The following TRPS1 variants were observed in gnomAD, a reference collection of about 807,000 sequenced individuals.
TRPS1 encodes zinc finger transcription factor Trps1.
A neutral mutation model predicts 101.2 loss-of-function variants in TRPS1; 6 were observed. That is an observed-to-expected ratio of 0.06 (90% CI 0.03 to 0.12). The LOEUF (loss-of-function observed/expected upper bound fraction) is 0.12, where lower values mean the gene tolerates loss of function less well. Ranked by LOEUF, TRPS1 falls within the 10% of genes least tolerant of loss-of-function variation. The pLI is 1.00. For missense variants in TRPS1, 1,363 were observed against 1,567.0 expected, an observed-to-expected ratio of 0.87 and a Z score of 2.20; for synonymous variants, 578 against 589.8, an observed-to-expected ratio of 0.98 and a Z score of 0.29.
At chr8:115,472,106 TG>T (rs897692521) in intron 5 of TRPS1, among the ~76,000 whole-genome samples, 2 of 152,136 alleles carry the variant, frequency 1.3e-5, no homozygotes, top group Non-Finnish European at 1.5e-5. Flanking sequence ...GAACTCTTTG[TG>T]GGGGGGCTCC....
chr8:115,417,116 A>C (rs896157486), intron 6 of TRPS1, among the ~76,000 whole-genome samples: 4 of 152,166 alleles, frequency 2.6e-5, no homozygotes, highest in Non-Finnish European at 5.9e-5. Flanking sequence ...AAGTTCCCAT[A>C]ATCTGGCAGA....
At chr8:115,537,516 C>G (rs1271096835) in intron 5 of TRPS1, among the ~76,000 whole-genome samples, 2 of 152,100 alleles carry the variant, frequency 1.3e-5, no homozygotes, top group African/African-American at 4.8e-5. Context: ...GCCACAAAAC[C>G]CATAAGTCGA....
intron 5 of TRPS1, among the ~76,000 whole-genome samples, chr8:115,460,392 A>G (rs536242685): frequency 1.1e-4 from 16 of 152,274 alleles, no homozygotes; most frequent in African/African-American, 3.6e-4. Context: ...ATTAAGATTG[A>G]TATTTGAATC....
intron 5 of TRPS1, among the ~76,000 whole-genome samples, chr8:115,428,185 T>G (rs1813235427): frequency 6.6e-6 from 1 of 152,200 alleles, no homozygotes; most frequent in African/African-American, 2.4e-5. Context: ...ATCATTTTTA[T>G]TCAAGATAAA....
At chr8:115,416,245 T>C (rs1417130786) in intron 6 of TRPS1, among the ~76,000 whole-genome samples, 3 of 151,966 alleles carry the variant, frequency 2.0e-5, no homozygotes, top group Non-Finnish European at 4.4e-5. Flanking sequence ...CAGGTATTTA[T>C]ATAATATGAC....
rs146877122 is a variant in TRPS1 at position 115,442,899 on chromosome 8, G to C, written c.2701-24447C>G. On this transcript the variant is annotated intron_variant, in intron 5 of 6. Transcript: ENST00000395715. ...GACGTCAGGAGATCGAGATCATCCTGGCTAACACGGTGAAAACCCATCTCT... is the reference window on the plus strand; with the variant it reads ...GACGTCAGGAGATCGAGATCATCCTCGCTAACACGGTGAAAACCCATCTCT... 7.7e-3 allele frequency among the ~76,000 whole-genome samples: 1,172 copies of C among 151,976 alleles called. 7 individuals carry two copies. Among genetic ancestry groups the C allele is most frequent in the African/African-American group, 1.0e-2 (414 of 41,424 alleles).
chr8:115,586,929 T>C, intron 5 of TRPS1, 72 bp downstream of exon 5: 1 of 1,602,790 alleles, frequency 6.2e-7, no homozygotes, highest in Non-Finnish European at 8.5e-7. Flanking sequence ...CACAATCCTG[T>C]AGAGAAAGAA....
At chr8:115,589,660 C>T (rs1323773482) in intron 4 of TRPS1, among the ~76,000 whole-genome samples, 2 of 152,124 alleles carry the variant, frequency 1.3e-5, no homozygotes, top group Non-Finnish European at 2.9e-5. Flanking sequence ...AACAGCCTAA[C>T]CTTTAACGTG....
At chr8:115,649,061 G>A (rs1811500152) in intron 1 of TRPS1, among the ~76,000 whole-genome samples, 1 of 152,164 alleles carries the variant, frequency 6.6e-6, no homozygotes, top group African/African-American at 2.4e-5. Context: ...ATGGGGCCAA[G>A]AAGAGACAGT....
At chr8:115,507,594 C>T (rs938588164) in intron 5 of TRPS1, among the ~76,000 whole-genome samples, 8 of 152,158 alleles carry the variant, frequency 5.3e-5, no homozygotes, top group African/African-American at 1.9e-4. Context: ...CCCAAAGTCT[C>T]TCGTCACCCA....
intron 5 of TRPS1, among the ~76,000 whole-genome samples, chr8:115,441,666 G>A (rs1442886833): frequency 6.6e-6 from 1 of 151,622 alleles, no homozygotes; most frequent in Non-Finnish European, 1.5e-5. Context: ...ATAAACCTTT[G>A]GGAGTATAAA....
In TRPS1 at chr8:115,417,862, C is replaced by T. The variant is rs144740207; in HGVS notation, c.2823+468G>A. On this transcript the variant is annotated intron_variant, in intron 6 of 6. Coordinates refer to ENST00000395715, the MANE Select transcript of TRPS1 (RefSeq NM_014112.5). The stretch of plus-strand genomic sequence containing the variant: ...TGTCCTTCCGAATGTGCCCCTCCAG[C>T]CCCTAAAGCGGTCAAGATAACACTT... Among the ~76,000 whole-genome samples the T allele has an allele frequency of 6.6e-5, 10 of 152,266 alleles. No individual in the cohort carries two copies. The East Asian group carries it at 1.9e-3, about 29-fold the overall frequency.
At position 115,460,653 on chromosome 8, in the gene TRPS1, T is replaced by C. The variant is rs535508159; in HGVS notation, c.2701-42201A>G. Among the ~76,000 whole-genome samples the C allele has an allele frequency of 1.8e-4, 27 of 152,102 alleles. 1 individual carries two copies. The highest frequency in any genetic ancestry group is 3.7e-4 in the Non-Finnish European group (25 of 68,012). On this transcript the variant is annotated intron_variant, in intron 5 of 6. Coordinates refer to ENST00000395715, the MANE Select transcript of TRPS1 (RefSeq NM_014112.5). ...CACTGACATGATCTAGAAACTTAAC[T>C]GTTTTTTTCTTAGAGTGAAGCCTTA...
At chr8:115,659,489 G>A (rs990658488) in intron 1 of TRPS1, among the ~76,000 whole-genome samples, 13 of 151,430 alleles carry the variant, frequency 8.6e-5, no homozygotes, top group Non-Finnish European at 1.6e-4. Flanking sequence ...AAAAATAATC[G>A]ATAAAGAATT....
intron 5 of TRPS1, among the ~76,000 whole-genome samples, chr8:115,523,198 T>G (rs1815910090): frequency 6.6e-6 from 1 of 152,018 alleles, no homozygotes; most frequent in Non-Finnish European, 1.5e-5. Flanking sequence ...ATAAGAATTG[T>G]AAAGGACCGG....
chr8:115,452,991 A>C (rs937588327), intron 5 of TRPS1, among the ~76,000 whole-genome samples: 1 of 152,154 alleles, frequency 6.6e-6, no homozygotes, highest in African/African-American at 2.4e-5. Flanking sequence ...GAAACAGTAT[A>C]GTAATAAAAT....
Position 115,603,933 on chromosome 8 carries a change from T to C in TRPS1, c.2036A>G (p.His679Arg). The C allele has an allele frequency of 1.2e-6, 2 of 1,613,844 alleles. No individual in the cohort carries two copies. The highest frequency in any genetic ancestry group is 2.2e-5 in the South Asian group (2 of 91,084). Residue 679 changes from histidine (H) to arginine (R), a missense_variant, in exon 4 of 7, where the codon CAC (histidine) becomes CGC (arginine). Transcript: ENST00000395715. ...GQQSVKESKE[H>R]SCTKCDFITQ... ...AATAAAATCACATTTGGTACATGAG[T>C]GTTCTTTGCTTTCCTTGACAGACTG...
At chr8:115,581,201 A>T (rs1817441575) in intron 5 of TRPS1, among the ~76,000 whole-genome samples, 1 of 152,158 alleles carries the variant, frequency 6.6e-6, no homozygotes, top group African/African-American at 2.4e-5. Flanking sequence ...TAAAAAAAAA[A>T]AAAATTTATC....
At chr8:115,499,869 T>A (rs931531178) in intron 5 of TRPS1, among the ~76,000 whole-genome samples, 6 of 152,136 alleles carry the variant, frequency 3.9e-5, no homozygotes, top group Non-Finnish European at 8.8e-5. Context: ...TGTGAATTGA[T>A]TTGTAGTACT....
Sources: gnomAD v4.1 joint callset for allele counts (sites outside exome capture counted in the v4.1 genomes callset) on GRCh38, gnomAD v4.1.1 for gene constraint, MANE v1.5 for transcripts, NCBI Gene and HGNC (gene_info 2026-07-23, HGNC 2026-07-21) for gene names.